RSU1: variants seen among roughly 807,000 people sequenced by gnomAD.
RSU1 encodes the protein rsu-1.
Under a neutral mutation model 31.1 loss-of-function variants are expected in RSU1, and 26 were observed. The observed-to-expected ratio is 0.84, with a 90% CI of 0.61 to 1.16. The LOEUF is 1.16. Among genes scored for constraint, RSU1 ranks in the 50% most tolerant of loss-of-function variants. RSU1 has a pLI of 0.00. For missense variants in RSU1, 320 were observed against 339.1 expected, an observed-to-expected ratio of 0.94 and a Z score of 0.44; for synonymous variants, 164 against 136.3, an observed-to-expected ratio of 1.20 and a Z score of -1.41.
intron 7 of RSU1, among the ~76,000 whole-genome samples, chr10:16,722,148 A>G (rs2131590995): frequency 6.6e-6 from 1 of 152,288 alleles, no homozygotes; most frequent in African/African-American, 2.4e-5. Flanking sequence ...TAACTGATCT[A>G]TTTGATTATT....
intron 8 of RSU1, among the ~76,000 whole-genome samples, chr10:16,627,385 G>A (rs1834176808): frequency 6.6e-6 from 1 of 152,186 alleles, no homozygotes; most frequent in African/African-American, 2.4e-5. Context: ...CAGCATTGTA[G>A]TGGCATGACA....
At chr10:16,641,534 A>C (rs1288236036) in intron 8 of RSU1, among the ~76,000 whole-genome samples, 1 of 151,742 alleles carries the variant, frequency 6.6e-6, no homozygotes, top group Non-Finnish European at 1.5e-5. Flanking sequence ...ACACACCCAC[A>C]CTCACATCTG....
At chr10:16,651,451 C>T (rs1462112537) in intron 8 of RSU1, among the ~76,000 whole-genome samples, 3 of 152,200 alleles carry the variant, frequency 2.0e-5, no homozygotes, top group African/African-American at 7.2e-5. Context: ...CTCAGTGTCA[C>T]CACTGCTGGG....
At chr10:16,768,250 T>G (rs1374006682) in intron 3 of RSU1, among the ~76,000 whole-genome samples, 3 of 152,224 alleles carry the variant, frequency 2.0e-5, no homozygotes, top group Non-Finnish European at 4.4e-5. Context: ...ATAAGAAGGC[T>G]GGATTATGAC....
intron 7 of RSU1, among the ~76,000 whole-genome samples, chr10:16,695,619 T>C (rs1835658710): frequency 6.6e-6 from 1 of 152,154 alleles, no homozygotes; most frequent in Non-Finnish European, 1.5e-5. Context: ...AGCCAAACCG[T>C]TGTTACTCAA....
chr10:16,778,501 T>G (rs919186833), intron 3 of RSU1, among the ~76,000 whole-genome samples: 2 of 151,974 alleles, frequency 1.3e-5, no homozygotes, highest in Non-Finnish European at 2.9e-5. Context: ...GAATATGAAA[T>G]GATCCATGCT....
chr10:16,715,603 A>C (rs1407758671), intron 7 of RSU1, among the ~76,000 whole-genome samples: 1 of 152,238 alleles, frequency 6.6e-6, no homozygotes, highest in Non-Finnish European at 1.5e-5. Context: ...TTGTCAAAAA[A>C]TCACTTGACC....
chr10:16,728,726 G>A (rs764572165), intron 7 of RSU1, among the ~76,000 whole-genome samples: 17 of 152,224 alleles, frequency 1.1e-4, no homozygotes, highest in Non-Finnish European at 2.5e-4. Context: ...AATTGCAGTG[G>A]TGCTTATAAG....
At chr10:16,686,031 G>A (rs1588714581) in intron 8 of RSU1, among the ~76,000 whole-genome samples, 1 of 152,192 alleles carries the variant, frequency 6.6e-6, no homozygotes, top group East Asian at 1.9e-4. Context: ...TTTTTTATCT[G>A]ATAAAGTTGA....
chr10:16,743,376 C>T (rs775233821), intron 7 of RSU1, among the ~76,000 whole-genome samples: 1 of 152,174 alleles, frequency 6.6e-6, no homozygotes, highest in Non-Finnish European at 1.5e-5. Flanking sequence ...GTCACAATCT[C>T]CCTTGGTCCC....
intron 8 of RSU1, among the ~76,000 whole-genome samples, chr10:16,658,999 A>G (rs898455932): frequency 2.6e-5 from 4 of 152,170 alleles, no homozygotes; most frequent in Non-Finnish European, 5.9e-5. Context: ...TCTAATTACA[A>G]CTGAAGTTGA....
chr10:16,689,525 C>T lies in RSU1; in HGVS notation c.731+5498G>A, dbSNP rs796699466. Among the ~76,000 whole-genome samples, 9 of 152,304 alleles carry T rather than the reference C, an allele frequency of 5.9e-5. 1 individual carries two copies. In the South Asian group the frequency reaches 1.7e-3, roughly 28 times the overall value. ...CACAGCATGCAGAAGAAAAATAAAACATTAATTAGCTTTAATTCCACAAGT... is the reference window on the plus strand; with the variant it reads ...CACAGCATGCAGAAGAAAAATAAAATATTAATTAGCTTTAATTCCACAAGT... On this transcript the variant is annotated intron_variant, in intron 8 of 8. Transcript: ENST00000345264.
chr10:16,720,508 A>G (rs1030914294), intron 7 of RSU1, among the ~76,000 whole-genome samples: 2 of 152,250 alleles, frequency 1.3e-5, no homozygotes, highest in Non-Finnish European at 2.9e-5. Context: ...ATATTTAGGG[A>G]AGAACTCTAA....
intron 3 of RSU1, among the ~76,000 whole-genome samples, chr10:16,780,553 T>C (rs546980024): frequency 6.6e-6 from 1 of 152,356 alleles, no homozygotes. Context: ...AGTTTTGCTT[T>C]CTTGTGTAAA....
intron 8 of RSU1, among the ~76,000 whole-genome samples, chr10:16,601,817 GGAGT>G (rs1588668537): frequency 6.6e-6 from 1 of 152,164 alleles, no homozygotes; most frequent in African/African-American, 2.4e-5. Context: ...CAGGAAAGAT[GGAGT>G]GAGTGTGAGT....
rs549340442 is a variant in RSU1 at position 16,783,414 on chromosome 10, C to T, written c.110-1330G>A. ...CTCTGTCACCAGTTTGGAATACAGC[C>T]ACGCAATCTCAGCTCACTGCAATTT... On this transcript the variant is annotated intron_variant, in intron 2 of 8. Transcript: ENST00000345264. 5.3e-5 allele frequency among the ~76,000 whole-genome samples: 7 copies of T among 132,566 alleles called. No homozygotes were observed. The East Asian group carries it at 1.6e-3, about 30-fold the overall frequency. 87.0% of individuals were successfully genotyped at this position (132,566 alleles called of 152,430 possible).
chr10:16,664,911 C>T (rs1166522094), intron 8 of RSU1, among the ~76,000 whole-genome samples: 1 of 152,018 alleles, frequency 6.6e-6, no homozygotes, highest in African/African-American at 2.4e-5. Context: ...TTATTGAATG[C>T]TTATTATGTG....
In RSU1 at chr10:16,733,924, A is replaced by G. The variant is rs527549806; in HGVS notation, c.598+18615T>C. Reference sequence around the variant, plus strand: ...AGCTGGCAAAGTCTTTTAGATAGCAATTGCTTTCAATTCAGTCAACCAAAA... The same window carrying G: ...AGCTGGCAAAGTCTTTTAGATAGCAGTTGCTTTCAATTCAGTCAACCAAAA... On this transcript the variant is annotated intron_variant, in intron 7 of 8. Coordinates refer to ENST00000345264, the MANE Select transcript of RSU1 (RefSeq NM_012425.4). 2.6e-5 allele frequency among the ~76,000 whole-genome samples: 4 copies of G among 152,320 alleles called. No individual in the cohort carries two copies. In the South Asian group the frequency reaches 8.3e-4, roughly 32 times the overall value.
chr10:16,805,010 T>C (rs1380020494), intron 2 of RSU1, among the ~76,000 whole-genome samples: 12 of 152,108 alleles, frequency 7.9e-5, no homozygotes, highest in Admixed American at 6.5e-4. Flanking sequence ...ACAGCCTGGC[T>C]AACTTGGTGA....
Sources: allele counts gnomAD v4.1 joint callset (sites outside exome capture counted in the v4.1 genomes callset), GRCh38; gene constraint gnomAD v4.1.1; transcripts MANE v1.5; gene names NCBI Gene and HGNC (gene_info 2026-07-23, HGNC 2026-07-21).